Variants in ANK3 observed in about 807,000 individuals in gnomAD.
ANK3 encodes the protein ankyrin-3.
ANK3 carries 57 observed loss-of-function variants against 370.9 expected under a neutral mutation model. The ratio of observed to expected loss-of-function variants is 0.15; its 90% CI spans 0.12 to 0.19. The LOEUF is 0.19. Ranked by LOEUF, ANK3 falls within the 10% of genes least tolerant of loss-of-function variation. The probability of loss-of-function intolerance (pLI) is 1.00; values close to 1 mark genes in which losing one functional copy is unlikely to be tolerated. For synonymous variants in ANK3, 1,929 were observed against 1,946.3 expected, an observed-to-expected ratio of 0.99 and a Z score of 0.23; for missense variants, 4,439 against 5,302.1, an observed-to-expected ratio of 0.84 and a Z score of 5.06.
In ANK3 at chr10:60,065,435, ACT is replaced by A. The variant is rs373956923; in HGVS notation, c.12320-1149_12320-1148del. Among the ~76,000 whole-genome samples, 900 of 152,210 alleles carry A rather than the reference ACT, an allele frequency of 5.9e-3. 5 individuals are homozygous for A. The highest frequency in any genetic ancestry group is 1.0e-2 in the Non-Finnish European group (679 of 68,010). Reference sequence around the variant, plus strand: ...TCCCATGGAAAAGGAATTGGTCAAGACTCTATCCCCCTTACAAAATACTTCCA... The same window carrying A: ...TCCCATGGAAAAGGAATTGGTCAAGACTATCCCCCTTACAAAATACTTCCA... On this transcript the variant is annotated intron_variant, in intron 38 of 43. Transcript: ENST00000280772.
chr10:60,724,006 C>T (rs1357076319), intron 1 of ANK3, among the ~76,000 whole-genome samples: 3 of 144,646 alleles, frequency 2.1e-5, no homozygotes, highest in Admixed American at 7.2e-5. Context: ...GTCAGGAAAT[C>T]GAGACCATCC....
At chr10:60,660,911 T>TACACACACACACACACACACACAC (rs779739373) in intron 1 of ANK3, among the ~76,000 whole-genome samples, 1 of 148,246 alleles carries the variant, frequency 6.7e-6, no homozygotes, top group African/African-American at 2.5e-5. Context: ...GAGTTTTAAA[T>TACACACACACACACACACACACAC]ACACACTCAC....
chr10:60,062,352 T>A (rs1483957303), intron 40 of ANK3: 1 of 152,118 alleles, frequency 6.6e-6, no homozygotes, highest in Non-Finnish European at 1.5e-5. Context: ...TAGGAAGATA[T>A]TTATTATGTT....
At chr10:60,054,447 GA>G (rs2078723852) in intron 42 of ANK3, among the ~76,000 whole-genome samples, 1 of 152,008 alleles carries the variant, frequency 6.6e-6, no homozygotes, top group Admixed American at 6.5e-5. Flanking sequence ...ATGAGCTGGA[GA>G]TTATTTTAGG....
At chr10:60,152,916 A>T (rs2095197309) in intron 23 of ANK3, among the ~76,000 whole-genome samples, 1 of 152,106 alleles carries the variant, frequency 6.6e-6, no homozygotes, top group Admixed American at 6.6e-5. Flanking sequence ...GTTTATTGTC[A>T]TCTGGTTTTG....
intron 2 of ANK3, among the ~76,000 whole-genome samples, chr10:60,570,681 A>T (rs374678284): frequency 2.0e-5 from 3 of 152,194 alleles, no homozygotes; most frequent in Non-Finnish European, 4.4e-5. Flanking sequence ...GGTACTAGAC[A>T]GAGGGTGATG....
chr10:60,573,122 G>C (rs1326410471), intron 2 of ANK3, among the ~76,000 whole-genome samples: 2 of 151,964 alleles, frequency 1.3e-5, no homozygotes, highest in Non-Finnish European at 2.9e-5. Flanking sequence ...TAAAAGATCA[G>C]GTTACTTGGT....
intron 2 of ANK3, among the ~76,000 whole-genome samples, chr10:60,593,087 G>A (rs1221751380): frequency 1.3e-5 from 2 of 152,174 alleles, no homozygotes; most frequent in Non-Finnish European, 2.9e-5. Context: ...TCTTTGTTGA[G>A]ATCAATATCA....
At chr10:60,042,543 T>A (rs2076281358) in intron 43 of ANK3, 129 bp downstream of exon 43, 1 of 923,520 alleles carries the variant, frequency 1.1e-6, no homozygotes, top group Non-Finnish European at 1.6e-6. Context: ...AACAACTTCG[T>A]ATTTGATTTT....
At chr10:60,485,908 A>G (rs905235432) in intron 2 of ANK3, among the ~76,000 whole-genome samples, 1 of 152,196 alleles carries the variant, frequency 6.6e-6, no homozygotes, top group Non-Finnish European at 1.5e-5. Context: ...GGATTGGGAA[A>G]GTTATAACTA....
Position 60,214,557 on chromosome 10 carries a change from T to G in ANK3, c.898-1047A>C, listed in dbSNP as rs190550665. 9.5e-4 allele frequency among the ~76,000 whole-genome samples: 145 copies of G among 152,232 alleles called. 1 individual carries two copies. The highest frequency in any genetic ancestry group is 3.4e-3 in the African/African-American group (142 of 41,524). On this transcript the variant is annotated intron_variant, in intron 8 of 43. Coordinates refer to ENST00000280772, the MANE Select transcript of ANK3 (RefSeq NM_020987.5). The stretch of plus-strand genomic sequence containing the variant: ...CCCTGGTGTGTGTTGTTCCTCTCTC[T>G]ATGTCCATGTGTTCTCATTGTTCAT...
chr10:60,435,985 G>A (rs915661608), intron 2 of ANK3, among the ~76,000 whole-genome samples: 5 of 152,168 alleles, frequency 3.3e-5, no homozygotes, highest in Admixed American at 6.5e-5. Flanking sequence ...TTACTCGGGA[G>A]GCTGAGGCAG....
chr10:60,051,132 A>C (rs2077901130), intron 42 of ANK3, among the ~76,000 whole-genome samples: 1 of 152,168 alleles, frequency 6.6e-6, no homozygotes, highest in South Asian at 2.1e-4. Flanking sequence ...GGTTTCAATT[A>C]AACATTTCAT....
intron 23 of ANK3, among the ~76,000 whole-genome samples, chr10:60,149,888 T>C (rs2095024146): frequency 6.6e-6 from 1 of 152,184 alleles, no homozygotes; most frequent in East Asian, 1.9e-4. Flanking sequence ...TTTGTATTTT[T>C]AGTAGAGACA....
chr10:60,699,197 G>A (rs1322788959), intron 1 of ANK3, among the ~76,000 whole-genome samples: 1 of 151,708 alleles, frequency 6.6e-6, no homozygotes, highest in Non-Finnish European at 1.5e-5. Context: ...CGGGTGATGG[G>A]TGCACCAAAA....
intron 2 of ANK3, among the ~76,000 whole-genome samples, chr10:60,488,777 G>A (rs1422576515): frequency 6.6e-6 from 1 of 152,154 alleles, no homozygotes; most frequent in Non-Finnish European, 1.5e-5. Flanking sequence ...GCCAAAAAAT[G>A]CATTTTTCAA....
rs367787884 is a variant in ANK3 at position 60,074,452 on chromosome 10, G to A, written c.6429C>T (p.Ser2143=). Residue 2143 remains serine (S), a synonymous_variant, in exon 37 of 44, where the codon AGC becomes AGT. Transcript: ENST00000280772. ...GTGGTTTAGGACCAGTGCTTTCAGC[G>A]CTTTGTGGGGCTGAAGGTGTCTTTT... ...RSEKTPSAPQ[S]AESTGPKPLF... is the part of the protein sequence containing the mutation. The A allele has an allele frequency of 6.8e-5, 110 of 1,613,990 alleles. No homozygotes were observed. The highest frequency in any genetic ancestry group is 9.2e-5 in the Non-Finnish European group (109 of 1,179,998).
chr10:60,580,856 TA>T (rs760353537), intron 2 of ANK3, among the ~76,000 whole-genome samples: 14 of 152,036 alleles, frequency 9.2e-5, no homozygotes, highest in Admixed American at 2.0e-4. Context: ...TGGAAAAAAT[TA>T]TGAAAGAAAT....
intron 7 of ANK3, among the ~76,000 whole-genome samples, chr10:60,252,813 G>T (rs753151884): frequency 6.6e-6 from 1 of 152,172 alleles, no homozygotes; most frequent in Non-Finnish European, 1.5e-5. Context: ...ACTTTAGAGG[G>T]CTACCTTGGT....
Sources: gnomAD v4.1 joint callset for allele counts (sites outside exome capture counted in the v4.1 genomes callset) on GRCh38, gnomAD v4.1.1 for gene constraint, MANE v1.5 for transcripts, NCBI Gene and HGNC (gene_info 2026-07-23, HGNC 2026-07-21) for gene names.